Variants in SVIL observed in about 807,000 individuals in gnomAD.
The protein encoded by SVIL is archvillin.
Under a neutral mutation model 240.4 loss-of-function variants are expected in SVIL, and 101 were observed. That is an observed-to-expected ratio of 0.42 (90% CI 0.36 to 0.50). The LOEUF (loss-of-function observed/expected upper bound fraction) is 0.50. Among genes scored for constraint, SVIL ranks in the 20% least tolerant of loss-of-function variants. SVIL has a pLI of 0.01. For missense variants in SVIL, 2,512 were observed against 2,818.7 expected, an observed-to-expected ratio of 0.89 and a Z score of 2.46; for synonymous variants, 999 against 1,100.0, an observed-to-expected ratio of 0.91 and a Z score of 1.82.
intron 3 of SVIL, among the ~76,000 whole-genome samples, chr10:29,561,572 G>A (rs1324793631): frequency 1.3e-5 from 2 of 151,388 alleles, no homozygotes; most frequent in East Asian, 1.9e-4. Context: ...ACTTTAGTTT[G>A]GCTCAGAGGA....
intron 1 of SVIL, among the ~76,000 whole-genome samples, chr10:29,695,041 T>G (rs536646521): frequency 6.6e-6 from 1 of 152,136 alleles, no homozygotes; most frequent in Non-Finnish European, 1.5e-5. Flanking sequence ...TTCTAGTGAA[T>G]TGGGGTTCCA....
chr10:29,470,046 C>T (rs1448764097), intron 32 of SVIL, among the ~76,000 whole-genome samples: 1 of 152,220 alleles, frequency 6.6e-6, no homozygotes, highest in Non-Finnish European at 1.5e-5. Context: ...ACCAGCCTCT[C>T]ACCCAGCCAG....
chr10:29,557,727 G>A (rs995931836), intron 3 of SVIL, among the ~76,000 whole-genome samples: 1 of 152,178 alleles, frequency 6.6e-6, no homozygotes, highest in African/African-American at 2.4e-5. Flanking sequence ...CTGTCCACAG[G>A]AAAGGTAGAC....
chr10:29,507,500 GAC>G (rs1049980108), intron 17 of SVIL, among the ~76,000 whole-genome samples: 12 of 151,628 alleles, frequency 7.9e-5, no homozygotes, highest in Admixed American at 6.6e-4. Context: ...CACACTTAAA[GAC>G]ACACACACAG....
rs1425024410 is a variant in SVIL at position 29,728,035 on chromosome 10, A to G, written c.-400+7716T>C. ...GATTTCCTAATACCTACTCTCTGGT[A>G]TATTCTCATGGACAGAGGATCATAA... On this transcript the variant is annotated intron_variant, in intron 1 of 35. Transcript: ENST00000375400. 2.6e-5 allele frequency among the ~76,000 whole-genome samples: 4 copies of G among 152,200 alleles called. No homozygotes were observed. The East Asian group carries it at 7.7e-4, about 29-fold the overall frequency.
intron 2 of SVIL, among the ~76,000 whole-genome samples, chr10:29,659,206 C>T (rs747551879): frequency 6.6e-5 from 10 of 152,216 alleles, no homozygotes; most frequent in Non-Finnish European, 1.3e-4. Context: ...ATGACTCAGC[C>T]TGGGAGAGGT....
At chr10:29,499,015 T>C (rs1948671954) in intron 18 of SVIL, 101 bp downstream of exon 18, 3 of 1,455,782 alleles carry the variant, frequency 2.1e-6, no homozygotes, top group South Asian at 1.4e-5. Context: ...GGTTTCTTCT[T>C]TTAAATTGAG....
intron 1 of SVIL, among the ~76,000 whole-genome samples, chr10:29,730,987 C>A (rs1398101017): frequency 1.3e-5 from 2 of 152,270 alleles, no homozygotes; most frequent in South Asian, 2.1e-4. Context: ...AATACGAAAT[C>A]TTTTTTAAGG....
At chr10:29,644,547 A>C (rs796307588) in intron 3 of SVIL, among the ~76,000 whole-genome samples, 45 of 152,242 alleles carry the variant, frequency 3.0e-4, no homozygotes, top group African/African-American at 1.1e-3. Context: ...CTTGTAATAG[A>C]GTGGAACCAC....
At chr10:29,588,479 A>T (rs1204087713) in intron 1 of SVIL, among the ~76,000 whole-genome samples, 1 of 152,164 alleles carries the variant, frequency 6.6e-6, no homozygotes, top group Non-Finnish European at 1.5e-5. Context: ...TGGGAAATGG[A>T]GTCTGGGATG....
intron 1 of SVIL, among the ~76,000 whole-genome samples, chr10:29,708,955 A>C (rs940331689): frequency 6.6e-6 from 1 of 152,244 alleles, no homozygotes; most frequent in Non-Finnish European, 1.5e-5. Context: ...TCAATAGAAC[A>C]GTACAAAGAT....
intron 1 of SVIL, among the ~76,000 whole-genome samples, chr10:29,581,181 A>AT (rs1398184950): frequency 1.3e-5 from 2 of 152,238 alleles, no homozygotes; most frequent in Non-Finnish European, 2.9e-5. Context: ...AGCAACAGCC[A>AT]TAAATGGTAT....
intron 1 of SVIL, among the ~76,000 whole-genome samples, chr10:29,692,059 T>C (rs1020009110): frequency 2.0e-5 from 3 of 152,188 alleles, no homozygotes; most frequent in African/African-American, 2.4e-5. Context: ...TCAACCTCAG[T>C]GAAGAACCTC....
chr10:29,655,345 TC>T (rs1958965792), intron 3 of SVIL, among the ~76,000 whole-genome samples: 1 of 151,946 alleles, frequency 6.6e-6, no homozygotes, highest in South Asian at 2.1e-4. Context: ...CTGGTGCAAG[TC>T]CCAGAGTCTA....
chr10:29,564,138 C>T (rs140571317), intron 2 of SVIL, among the ~76,000 whole-genome samples: 1,663 of 152,172 alleles, frequency 0.011, 33 homozygotes, highest in African/African-American at 0.037. Flanking sequence ...CCCACCATGG[C>T]GGATCTCAGG....
upstream of SVIL, among the ~76,000 whole-genome samples, chr10:29,636,243 T>C (rs1958307636): frequency 6.6e-6 from 1 of 152,318 alleles, no homozygotes; most frequent in South Asian, 2.1e-4. Context: ...AAAGTTTATT[T>C]GATCTTGTTT....
At chr10:29,532,304 G>T in intron 8 of SVIL, 132 bp from the exon 9 acceptor site, 1 of 1,246,512 alleles carries the variant, frequency 8.0e-7, no homozygotes, top group Non-Finnish European at 1.1e-6. Flanking sequence ...CCTCTACCAT[G>T]CACGTAAGGA....
intron 1 of SVIL, among the ~76,000 whole-genome samples, chr10:29,571,662 A>G (rs1955424218): frequency 6.6e-6 from 1 of 152,246 alleles, no homozygotes; most frequent in Non-Finnish European, 1.5e-5. Flanking sequence ...AGCTTTGCCT[A>G]TTAGATTGCC....
intron 1 of SVIL, among the ~76,000 whole-genome samples, chr10:29,621,640 C>A (rs974267165): frequency 6.6e-6 from 1 of 152,208 alleles, no homozygotes; most frequent in Non-Finnish European, 1.5e-5. Context: ...GGTTTTCAAG[C>A]TACCTCACAA....
Sources: gnomAD v4.1 joint callset for allele counts (sites outside exome capture counted in the v4.1 genomes callset) on GRCh38, gnomAD v4.1.1 for gene constraint, MANE v1.5 for transcripts, NCBI Gene and HGNC (gene_info 2026-07-23, HGNC 2026-07-21) for gene names.